The following SLC5A9 variants were observed in gnomAD, a reference collection of about 807,000 sequenced individuals.
SLC5A9 encodes the protein sodium/glucose cotransporter 4.
Under a neutral mutation model 70.9 loss-of-function variants are expected in SLC5A9, and 59 were observed. That is an observed-to-expected ratio of 0.83 (90% CI 0.68 to 1.03). SLC5A9 has a LOEUF of 1.03. SLC5A9 is among the 50% of genes least tolerant of loss of function. SLC5A9 has a pLI of 0.00. For missense variants in SLC5A9, 832 were observed against 881.1 expected, an observed-to-expected ratio of 0.94 and a Z score of 0.71; for synonymous variants, 340 against 346.5, an observed-to-expected ratio of 0.98 and a Z score of 0.21.
Position 48,247,693 on chromosome 1 carries a change from G to T in SLC5A9, c.*150G>T. 4.1e-6 allele frequency: 3 copies of T among 726,868 alleles called. No individual in the cohort carries two copies. Among genetic ancestry groups the T allele is most frequent in the East Asian group, 2.7e-5 (1 of 37,088 alleles). The allele number at this position is 726,868 out of a possible 1,614,324, so 45.0% of individuals were successfully genotyped here. On this transcript the variant is annotated 3_prime_UTR_variant, in exon 14 of 14. Coordinates refer to ENST00000438567, the MANE Select transcript of SLC5A9 (RefSeq NM_001011547.3). ...CCCTGAAGAGAATCCAACTCAACCTGCACACTTGACAAGTGGAGAAACAGA... is the reference window on the plus strand; with the variant it reads ...CCCTGAAGAGAATCCAACTCAACCTTCACACTTGACAAGTGGAGAAACAGA...
At chr1:48,229,512 T>C (rs1644216668) in intron 4 of SLC5A9, 53 bp downstream of exon 4, 10 of 1,600,330 alleles carry the variant, frequency 6.2e-6, no homozygotes, top group South Asian at 1.1e-5. Flanking sequence ...ATTAGGGAAC[T>C]GCTGAGTGCA....
chr1:48,226,623 G>A (rs1031037887), intron 2 of SLC5A9, among the ~76,000 whole-genome samples: 1 of 152,242 alleles, frequency 6.6e-6, no homozygotes, highest in East Asian at 1.9e-4. Flanking sequence ...GCCCTGCCCT[G>A]AGTCTGTGCC....
intron 11 of SLC5A9, chr1:48,238,637 A>C (rs995258987): frequency 6.6e-6 from 1 of 152,302 alleles, no homozygotes; most frequent in Non-Finnish European, 1.5e-5. Flanking sequence ...TGGTGCACCT[A>C]AGCAAGTGTC....
chr1:48,244,641 C>T (rs1043641689), intron 13 of SLC5A9, among the ~76,000 whole-genome samples: 16 of 146,888 alleles, frequency 1.1e-4, no homozygotes, highest in Non-Finnish European at 1.9e-4. Flanking sequence ...AAGACACTAC[C>T]GAAGATCAAC....
chr1:48,234,169 A>G (rs1015817739), intron 9 of SLC5A9, among the ~76,000 whole-genome samples: 22 of 152,224 alleles, frequency 1.4e-4, no homozygotes, highest in African/African-American at 5.3e-4. Flanking sequence ...AATCTTAGGC[A>G]GACACAGCCG....
At chr1:48,224,559 C>T (rs1436543055) in intron 1 of SLC5A9, among the ~76,000 whole-genome samples, 165 bp from the exon 2 acceptor site, 2 of 152,170 alleles carry the variant, frequency 1.3e-5, no homozygotes, top group Non-Finnish European at 2.9e-5. Flanking sequence ...AGATACATCG[C>T]TTAGAAACTG....
In SLC5A9 at chr1:48,242,370, A is replaced by C; in HGVS notation, c.1678-87A>C. On this transcript the variant is annotated intron_variant, in intron 12 of 13. Coordinates refer to ENST00000438567, the MANE Select transcript of SLC5A9 (RefSeq NM_001011547.3). ...TTCTTTGTACTCTTTGCTTTTGCTC[A>C]GATGGCCTTCCATAAATGGGCCTCT... is the stretch of plus-strand genomic sequence containing the variant. 2.0e-6 allele frequency: 3 copies of C among 1,465,290 alleles called. No individual in the cohort carries two copies. The South Asian group carries it at 4.1e-5, about 20-fold the overall frequency. 90.8% of individuals were successfully genotyped at this position (1,465,290 alleles called of 1,614,324 possible). A position where few individuals can be genotyped will look rare whatever the true frequency, so the allele number is the denominator to read the frequency against.
chr1:48,247,761 G>A lies in SLC5A9; in HGVS notation c.*218G>A, dbSNP rs758930998. 3 of 588,380 alleles carry A rather than the reference G, an allele frequency of 5.1e-6. No individual in the cohort carries two copies. The highest frequency in any genetic ancestry group is 9.1e-6 in the Non-Finnish European group (3 of 330,416). The allele number at this position is 588,380 out of a possible 1,614,324, so 36.4% of individuals were successfully genotyped here. On this transcript the variant is annotated 3_prime_UTR_variant, in exon 14 of 14. Coordinates refer to ENST00000438567, the MANE Select transcript of SLC5A9 (RefSeq NM_001011547.3). ...GGGTTTGTTCAGGACCACCCAGAAGGTGTCACACGGGGTTTCCCCACTCTT... is the reference window on the plus strand; with the variant it reads ...GGGTTTGTTCAGGACCACCCAGAAGATGTCACACGGGGTTTCCCCACTCTT...
In SLC5A9 at chr1:48,246,511, G is replaced by A. The variant is rs539741643; in HGVS notation, c.1838-824G>A. Among the ~76,000 whole-genome samples, 12 of 152,180 alleles carry A rather than the reference G, an allele frequency of 7.9e-5. No individual in the cohort carries two copies. In the South Asian group the frequency reaches 2.3e-3, roughly 29 times the overall value. On this transcript the variant is annotated intron_variant, in intron 13 of 13. Coordinates refer to ENST00000438567, the MANE Select transcript of SLC5A9 (RefSeq NM_001011547.3). ...ATATTAATTTTATTTGTAATATAAT[G>A]TCTGCTGATTTTTAAAAAACTTAAA...
chr1:48,229,458 C>A lies in SLC5A9; in HGVS notation c.503C>A (p.Ser168Ter). ...ATCCTCTACATCTTCACCAAGATCTCGGTAGGTGTCACTGCAATGTGGTCA... is the reference window on the plus strand; with the variant it reads ...ATCCTCTACATCTTCACCAAGATCTAGGTAGGTGTCACTGCAATGTGGTCA... ...SLILYIFTKI[S>*]TDIFSGALFI... The change falls in exon 4 of 14, where the codon TCG becomes TAG. Residue 168 changes from serine (S) to a stop codon, truncating the protein, a stop_gained and splice_region_variant. Transcript: ENST00000438567. LOFTEE classifies it high-confidence loss of function. 6.2e-7 allele frequency: 1 copy of A among 1,613,894 alleles called. No individual in the cohort carries two copies. Among genetic ancestry groups the A allele is most frequent in the Non-Finnish European group, 8.5e-7 (1 of 1,179,872 alleles).
intron 2 of SLC5A9, chr1:48,227,822 C>T (rs997665172): frequency 4.6e-5 from 7 of 152,288 alleles, no homozygotes; most frequent in African/African-American, 1.7e-4. Flanking sequence ...ACAGCACCTC[C>T]GGAAGAACAG....
At chr1:48,227,530 T>G (rs1644179913) in intron 2 of SLC5A9, among the ~76,000 whole-genome samples, 1 of 148,878 alleles carries the variant, frequency 6.7e-6, no homozygotes, top group Non-Finnish European at 1.5e-5. Context: ...TGAGTGTGTG[T>G]GTACTGTGCC....
At chr1:48,245,248 A>G (rs1202673356) in intron 13 of SLC5A9, among the ~76,000 whole-genome samples, 4 of 152,112 alleles carry the variant, frequency 2.6e-5, no homozygotes, top group East Asian at 1.9e-4. Flanking sequence ...CTGCAAAGGA[A>G]GTTCCCAAAG....
intron 13 of SLC5A9, among the ~76,000 whole-genome samples, chr1:48,244,203 G>A (rs74354122): frequency 0.034 from 5,177 of 152,174 alleles, 295 homozygotes; most frequent in African/African-American, 0.12. Flanking sequence ...TCATTGGATT[G>A]GCCATAGCTC....
In SLC5A9 at chr1:48,245,157, A is replaced by G. The variant is rs1279917891; in HGVS notation, c.1838-2178A>G. Among the ~76,000 whole-genome samples the G allele has an allele frequency of 5.3e-5, 8 of 151,018 alleles. No individual in the cohort carries two copies. In the East Asian group the frequency reaches 1.6e-3, roughly 30 times the overall value. ...TCCTGAGCCTTGTAAAACTTACGGTATTGAAGAAAGCAATCTGAGAGCATG... is the reference window on the plus strand; with the variant it reads ...TCCTGAGCCTTGTAAAACTTACGGTGTTGAAGAAAGCAATCTGAGAGCATG... On this transcript the variant is annotated intron_variant, in intron 13 of 13. Transcript: ENST00000438567.
At chr1:48,242,827 T>A (rs566969328) in intron 13 of SLC5A9, among the ~76,000 whole-genome samples, 1 of 152,290 alleles carries the variant, frequency 6.6e-6, no homozygotes, top group South Asian at 2.1e-4. Context: ...TGATCAAGTA[T>A]AAGTGGAAAG....
chr1:48,233,551 A>G (rs903820261), intron 8 of SLC5A9, 104 bp from the exon 9 acceptor site: 1 of 834,756 alleles, frequency 1.2e-6, no homozygotes, highest in Admixed American at 2.0e-5. Context: ...GGTCCCTGTC[A>G]GAGTCTCCAG....
intron 2 of SLC5A9, chr1:48,228,563 T>A: frequency 2.5e-6 from 1 of 393,884 alleles, no homozygotes; most frequent in Non-Finnish European, 4.7e-6. Flanking sequence ...ACTCCCCACT[T>A]CCAGGCTTCC....
chr1:48,242,766 A>G, intron 13 of SLC5A9, 150 bp downstream of exon 13: 1 of 741,036 alleles, frequency 1.3e-6, no homozygotes, highest in Non-Finnish European at 2.0e-6. Context: ...CTATTTGAAA[A>G]ATAAGACAAA....
Sources: gnomAD v4.1 joint callset for allele counts (sites outside exome capture counted in the v4.1 genomes callset) on GRCh38, gnomAD v4.1.1 for gene constraint, MANE v1.5 for transcripts, NCBI Gene and HGNC (gene_info 2026-07-23, HGNC 2026-07-21) for gene names.